GDPD3: variants seen among roughly 807,000 people sequenced by gnomAD.
GDPD3 encodes the protein glycerophosphodiester phosphodiesterase domain containing 3.
A neutral mutation model predicts 43.7 loss-of-function variants in GDPD3; 40 were observed. The observed-to-expected ratio is 0.91, with a 90% CI of 0.71 to 1.19. The LOEUF (loss-of-function observed/expected upper bound fraction) is 1.19, where lower values mean the gene tolerates loss of function less well. Ranked by LOEUF, GDPD3 falls within the 50% of genes most tolerant of loss-of-function variation. The pLI is 0.00. For missense variants in GDPD3, 363 were observed against 415.8 expected, an observed-to-expected ratio of 0.87 and a Z score of 1.11; for synonymous variants, 145 against 162.9, an observed-to-expected ratio of 0.89 and a Z score of 0.84.
chr16:30,106,659 C>G (rs775482082), intron 9 of GDPD3, among the ~76,000 whole-genome samples: 11 of 152,010 alleles, frequency 7.2e-5, no homozygotes, highest in Non-Finnish European at 1.5e-4. Flanking sequence ...AGCCTCCTAA[C>G]TAGCTGGGAC....
rs1567352118 is a variant in GDPD3 at position 30,112,815 on chromosome 16, G to A, written c.183-22C>T. On this transcript the variant is annotated intron_variant, in intron 2 of 9. Coordinates refer to ENST00000406256, the MANE Select transcript of GDPD3 (RefSeq NM_024307.3). This position sits in a 1 kb window ranked among gnomAD's most constrained non-coding sequence, Gnocchi z 5.4. Reference sequence around the variant, plus strand: ...GGAGCTGTGGGGGTGAAGGTCAGCGGGGGGCAGGGGCAGGGGACTGGGATG... The same window carrying A: ...GGAGCTGTGGGGGTGAAGGTCAGCGAGGGGCAGGGGCAGGGGACTGGGATG... The A allele has an allele frequency of 6.2e-7, 1 of 1,604,400 alleles. No individual in the cohort carries two copies. The highest frequency in any genetic ancestry group is 1.1e-5 in the South Asian group (1 of 91,054).
rs1222601951 is a variant in GDPD3, at chr16:30,112,071, G to A, written c.573+61C>T. On this transcript the variant is annotated intron_variant, in intron 6 of 9. Transcript: ENST00000406256. The surrounding 1 kb of genome is among the most constrained non-coding windows in gnomAD (Gnocchi z 5.4). ...GGGTCCCCATGCTGGGTGGGCTCCA[G>A]CTCTGGGGAGGAGGGGCCCCTGGAG... The A allele has an allele frequency of 1.5e-6, 2 of 1,378,346 alleles. No individual in the cohort carries two copies. The highest frequency in any genetic ancestry group is 2.3e-5 in the East Asian group (1 of 43,546). 85.4% of individuals were successfully genotyped at this position (1,378,346 alleles called of 1,614,324 possible).
chr16:30,111,574 G>A, intron 6 of GDPD3, 53 bp from the exon 7 acceptor site: 1 of 1,599,716 alleles, frequency 6.3e-7, no homozygotes, highest in Non-Finnish European at 8.5e-7. Context: ...GAAGCAGAGA[G>A]GAGGCATGAG....
chr16:30,108,574 C>G, intron 7 of GDPD3, 142 bp from the exon 8 acceptor site: 1 of 717,166 alleles, frequency 1.4e-6, no homozygotes, highest in Non-Finnish European at 2.4e-6. Flanking sequence ...TGTAGTTGCC[C>G]CAGTGAACAA....
Position 30,112,268 on chromosome 16 carries a change from G to GC in GDPD3, c.483+37dup, listed in dbSNP as rs1567351767. On this transcript the variant is annotated intron_variant, in intron 5 of 9. Transcript: ENST00000406256. This position sits in a 1 kb window ranked among gnomAD's most constrained non-coding sequence, Gnocchi z 5.4. The stretch of plus-strand genomic sequence containing the variant: ...GAAGGGAGAGCCAGGCCTCTCTCAC[G>GC]CCCCCGGTGGCCGCCCTAGCCCTGC... 2 of 1,611,804 alleles carry GC rather than the reference G, an allele frequency of 1.2e-6. No homozygotes were observed. Among genetic ancestry groups the GC allele is most frequent in the Non-Finnish European group, 1.7e-6 (2 of 1,177,954 alleles).
intron 9 of GDPD3, chr16:30,107,913 C>T (rs1278037960): frequency 5.2e-6 from 1 of 192,602 alleles, no homozygotes; most frequent in Non-Finnish European, 1.1e-5. Context: ...TCGCTTGAAC[C>T]CGGGAGGTGG....
At chr16:30,106,517 G>A (rs183769063) in intron 9 of GDPD3, among the ~76,000 whole-genome samples, 20 of 152,152 alleles carry the variant, frequency 1.3e-4, no homozygotes, top group Non-Finnish European at 1.8e-4. Context: ...TGAGGTAGGC[G>A]GAGATGGGAA....
At chr16:30,109,051 C>A (rs56079926) in intron 7 of GDPD3, among the ~76,000 whole-genome samples, 2 of 151,750 alleles carry the variant, frequency 1.3e-5, no homozygotes, top group African/African-American at 4.8e-5. Context: ...AGGATGGTCT[C>A]GATCTCCTGA....
chr16:30,108,535 C>T (rs1026637525), intron 7 of GDPD3, 103 bp from the exon 8 acceptor site: 4 of 1,010,884 alleles, frequency 4.0e-6, no homozygotes. Context: ...GCTGCCCTCC[C>T]ACCCCCCAGA....
Position 30,112,629 on chromosome 16 carries a change from G to GGGGGTT in GDPD3, c.318+23_318+28dup. On this transcript the variant is annotated intron_variant, in intron 3 of 9. Transcript: ENST00000406256. The surrounding 1 kb of genome is among the most constrained non-coding windows in gnomAD (Gnocchi z 5.4). ...CATTGGGCATGGTGACTCTCAGGGT[G>GGGGGTT]GGGGTTGGGGTGTCAGGGCAGGGCC... 2 of 1,614,038 alleles carry GGGGGTT rather than the reference G, an allele frequency of 1.2e-6. No homozygotes were observed. Among genetic ancestry groups the GGGGGTT allele is most frequent in the Non-Finnish European group, 1.7e-6 (2 of 1,179,934 alleles).
Position 30,104,915 on chromosome 16 carries a change from C to G in GDPD3, c.914G>C (p.Arg305Pro), listed in dbSNP as rs1227213278. 1.9e-6 allele frequency: 3 copies of G among 1,612,664 alleles called. No homozygotes were observed. Among genetic ancestry groups the G allele is most frequent in the Non-Finnish European group, 1.7e-6 (2 of 1,179,980 alleles). Residue 305 changes from arginine (R) to proline (P), a missense_variant, in exon 10 of 10, where the codon CGG becomes CCG. Coordinates refer to ENST00000406256, the MANE Select transcript of GDPD3 (RefSeq NM_024307.3). ...GVITDYPTAL[R>P]HYLDNHGPAA... ...TGGTCCATGGTTGTCCAGGTAGTGC[C>G]GCAGGGCTGTGGGATAATCCGTTAT... is the stretch of plus-strand genomic sequence containing the variant.
chr16:30,112,086 G>A lies in GDPD3; in HGVS notation c.573+46C>T. 1 of 1,504,482 alleles carries A rather than the reference G, an allele frequency of 6.6e-7. No individual in the cohort carries two copies. Among genetic ancestry groups the A allele is most frequent in the Non-Finnish European group, 9.2e-7 (1 of 1,082,904 alleles). The allele number at this position is 1,504,482 out of a possible 1,614,324, so 93.2% of individuals were successfully genotyped here. A position where few individuals can be genotyped will look rare whatever the true frequency, so the allele number is the denominator to read the frequency against. ...GTGGGCTCCAGCTCTGGGGAGGAGG[G>A]GCCCCTGGAGGAGGAAGAGGACGGG... On this transcript the variant is annotated intron_variant, in intron 6 of 9. Transcript: ENST00000406256. The surrounding 1 kb of genome is among the most constrained non-coding windows in gnomAD (Gnocchi z 5.4).
intron 9 of GDPD3, 90 bp downstream of exon 9, chr16:30,108,123 G>T: frequency 1.7e-6 from 2 of 1,173,658 alleles, no homozygotes; most frequent in Non-Finnish European, 2.4e-6. Context: ...GAGGTCACCT[G>T]CCCGAGTGAT....
intron 7 of GDPD3, among the ~76,000 whole-genome samples, chr16:30,109,831 C>T (rs953844077): frequency 1.3e-5 from 2 of 151,978 alleles, no homozygotes; most frequent in Non-Finnish European, 2.9e-5. Context: ...AACAAAAAAC[C>T]CACAAAAAAC....
intron 7 of GDPD3, among the ~76,000 whole-genome samples, chr16:30,109,046 G>T (rs991139011): frequency 1.3e-5 from 2 of 152,038 alleles, no homozygotes; most frequent in Admixed American, 6.5e-5. Context: ...TAGCCAGGAT[G>T]GTCTCGATCT....
Position 30,104,879 on chromosome 16 carries a change from G to A in GDPD3, c.950C>T (p.Thr317Ile). Residue 317 changes from threonine to isoleucine, a missense_variant, in exon 10 of 10, where the codon ACC (threonine) becomes ATC (isoleucine). By Grantham distance (89) the Thr-to-Ile change is moderately conservative. Coordinates refer to ENST00000406256, the MANE Select transcript of GDPD3 (RefSeq NM_024307.3). ...YLDNHGPAARTS is the reference protein window; with the variant it reads ...YLDNHGPAARIS ...ACCTCGAGGCTTCTGGACTTAGGAGGTCCGGGCAGCTGGTCCATGGTTGTC... is the reference window on the plus strand; with the variant it reads ...ACCTCGAGGCTTCTGGACTTAGGAGATCCGGGCAGCTGGTCCATGGTTGTC... The A allele has an allele frequency of 1.9e-6, 3 of 1,612,470 alleles. No individual in the cohort carries two copies. Among genetic ancestry groups the A allele is most frequent in the Non-Finnish European group, 2.5e-6 (3 of 1,180,002 alleles).
chr16:30,104,951 G>C lies in GDPD3; in HGVS notation c.878C>G (p.Ala293Gly), dbSNP rs113670478. ...GGGATAATCCGTTATGACGCCAGTG[G>C]CTCCCACGCTGAAGGCTGCTTCAAA... ...SDFEAAFSVG[A>G]TGVITDYPTA... The change falls in exon 10 of 10, where the codon GCC becomes GGC. Residue 293 changes from alanine (A) to glycine (G), a missense_variant. Coordinates refer to ENST00000406256, the MANE Select transcript of GDPD3 (RefSeq NM_024307.3). The C allele has an allele frequency of 1.8e-5, 29 of 1,612,696 alleles. 1 individual carries two copies. The South Asian group carries it at 3.1e-4, about 17-fold the overall frequency.
In GDPD3 at chr16:30,112,082, G is replaced by T; in HGVS notation, c.573+50C>A. 1 of 1,477,472 alleles carries T rather than the reference G, an allele frequency of 6.8e-7. No homozygotes were observed. Among genetic ancestry groups the T allele is most frequent in the Non-Finnish European group, 9.4e-7 (1 of 1,058,698 alleles). 91.5% of individuals were successfully genotyped at this position (1,477,472 alleles called of 1,614,324 possible). A position where few individuals can be genotyped will look rare whatever the true frequency, so the allele number is the denominator to read the frequency against. On this transcript the variant is annotated intron_variant, in intron 6 of 9. Transcript: ENST00000406256. This position sits in a 1 kb window ranked among gnomAD's most constrained non-coding sequence, Gnocchi z 5.4. ...CTGGGTGGGCTCCAGCTCTGGGGAG[G>T]AGGGGCCCCTGGAGGAGGAAGAGGA... is the stretch of plus-strand genomic sequence containing the variant.
chr16:30,108,123 GC>G, intron 9 of GDPD3, 89 bp downstream of exon 9: 1 of 1,173,664 alleles, frequency 8.5e-7, no homozygotes, highest in Non-Finnish European at 1.2e-6. Context: ...GAGGTCACCT[GC>G]CCGAGTGATG....
Sources: gnomAD v4.1 joint callset for allele counts (sites outside exome capture counted in the v4.1 genomes callset) on GRCh38, gnomAD v4.1.1 for gene constraint, Gnocchi (gnomAD v3.1) non-coding constraint, MANE v1.5 for transcripts, NCBI Gene and HGNC (gene_info 2026-07-23, HGNC 2026-07-21) for gene names.